Variants in EHF observed in about 807,000 individuals in gnomAD.
The protein encoded by EHF is ESE3 transcription factor.
Under a neutral mutation model 45.1 loss-of-function variants are expected in EHF, and 14 were observed. The ratio of observed to expected loss-of-function variants is 0.31; its 90% CI spans 0.21 to 0.49. EHF has a LOEUF of 0.49. Among genes scored for constraint, EHF ranks in the 20% least tolerant of loss-of-function variants. The pLI, the probability that EHF is intolerant of heterozygous loss-of-function variation, is 0.99. For missense variants in EHF, 282 were observed against 371.4 expected (o/e 0.76, Z 1.98); for synonymous variants, 136 against 131.8 (o/e 1.03, Z -0.22).
At chr11:34,645,442 G>A (rs949631218) in intron 2 of EHF, among the ~76,000 whole-genome samples, 1 of 152,112 alleles carries the variant, frequency 6.6e-6, no homozygotes, top group Non-Finnish European at 1.5e-5. Context: ...CATCTACTAT[G>A]ACAAAGTCTC....
At chr11:34,636,995 C>T (rs916296117) in intron 1 of EHF, among the ~76,000 whole-genome samples, 4 of 145,362 alleles carry the variant, frequency 2.8e-5, no homozygotes, top group Non-Finnish European at 6.0e-5. Flanking sequence ...CGCCATTGCA[C>T]TCCATTCTGG....
chr11:34,642,929 C>T lies in EHF; in HGVS notation c.97+202C>T, dbSNP rs192520441. 8.4e-4 allele frequency among the ~76,000 whole-genome samples: 128 copies of T among 152,304 alleles called. 1 individual carries two copies. The highest frequency in any genetic ancestry group is 3.7e-4 in the Non-Finnish European group (25 of 68,026). On this transcript the variant is annotated intron_variant, in intron 2 of 8. Transcript: ENST00000257831. The stretch of plus-strand genomic sequence containing the variant: ...AAGCTCGTTTGAGATATTCTATTGC[C>T]TCCTCCCAAAATTCAAGGTTCCAGA...
chr11:34,652,530 C>T (rs762073886), intron 6 of EHF, among the ~76,000 whole-genome samples: 9 of 152,120 alleles, frequency 5.9e-5, no homozygotes, highest in Non-Finnish European at 1.0e-4. Context: ...TTGGCGTGTA[C>T]AGTGTGGGAA....
In EHF at chr11:34,658,876, G is replaced by A; in HGVS notation, c.848G>A (p.Arg283Lys). The change falls in exon 9 of 9, where the codon AGA becomes AAA. Residue 283 changes from arginine (R) to lysine (K), a missense_variant. This residue lies in a region of EHF where 28 missense variants were observed against 37.1 expected (regional missense o/e 0.76). Transcript: ENST00000257831. The part of the protein sequence containing the change: ...REILERVDGR[R>K]LVYKFGKNAR... ...ATTCTGGAGCGTGTGGATGGACGAA[G>A]ACTGGTATATAAATTTGGGAAGAAT... The A allele has an allele frequency of 6.2e-7, 1 of 1,613,506 alleles. No individual in the cohort carries two copies. Among genetic ancestry groups the A allele is most frequent in the Admixed American group, 1.7e-5 (1 of 59,940 alleles).
intron 4 of EHF, 84 bp downstream of exon 4, chr11:34,649,165 G>C: frequency 2.1e-6 from 3 of 1,448,518 alleles, no homozygotes; most frequent in East Asian, 2.3e-5. Context: ...AGAGAATGTG[G>C]GGGCAAGTTT....
chr11:34,637,790 T>C (rs1462158472), intron 1 of EHF, among the ~76,000 whole-genome samples: 1 of 152,078 alleles, frequency 6.6e-6, no homozygotes, highest in Non-Finnish European at 1.5e-5. Flanking sequence ...GGACAATCAG[T>C]AGTGTCTCAA....
At chr11:34,622,200 G>A (rs530412505) in intron 1 of EHF, 230 of 223,444 alleles carry the variant, frequency 1.0e-3, no homozygotes, top group Non-Finnish European at 1.8e-3. Context: ...GTGAGAAAGC[G>A]ACATTTTCAC....
intron 2 of EHF, among the ~76,000 whole-genome samples, chr11:34,645,497 T>C (rs1360998260): frequency 6.6e-6 from 1 of 152,208 alleles, no homozygotes; most frequent in Non-Finnish European, 1.5e-5. Context: ...AAACAGTCTG[T>C]GACCTCAAGC....
At chr11:34,658,512 T>C in intron 7 of EHF, 21 bp from the exon 8 acceptor site, 2 of 1,603,354 alleles carry the variant, frequency 1.2e-6, no homozygotes, top group Non-Finnish European at 8.5e-7. Context: ...ATTAGTAACC[T>C]GCCTTTCTGC....
At chr11:34,646,167 C>T (rs1365242780) in intron 2 of EHF, among the ~76,000 whole-genome samples, 1 of 151,624 alleles carries the variant, frequency 6.6e-6, no homozygotes, top group Non-Finnish European at 1.5e-5. Flanking sequence ...GAAATGATAG[C>T]AATGCTCTAG....
chr11:34,636,911 C>T (rs1269916951), intron 1 of EHF, among the ~76,000 whole-genome samples: 3 of 151,960 alleles, frequency 2.0e-5, no homozygotes, highest in Admixed American at 6.6e-5. Flanking sequence ...TGCCTATAAT[C>T]CCAGCTACTT....
At chr11:34,638,094 G>A (rs960162794) in intron 1 of EHF, among the ~76,000 whole-genome samples, 1 of 152,018 alleles carries the variant, frequency 6.6e-6, no homozygotes, top group African/African-American at 2.4e-5. Flanking sequence ...TAGAGACAGG[G>A]TTTCACCATG....
At chr11:34,622,459 T>C (rs971368965) in intron 1 of EHF, 8 of 1,237,602 alleles carry the variant, frequency 6.5e-6, no homozygotes, top group Non-Finnish European at 5.3e-6. Flanking sequence ...AAAGGGCAAT[T>C]AGAGATTCTG....
chr11:34,656,053 T>TACACAC (rs61484102), intron 6 of EHF, among the ~76,000 whole-genome samples: 1 of 149,448 alleles, frequency 6.7e-6, no homozygotes, highest in Admixed American at 6.7e-5. Context: ...GTCCTCCCAA[T>TACACAC]ACACACACAC....
intron 1 of EHF, among the ~76,000 whole-genome samples, chr11:34,627,542 GA>G (rs951394023): frequency 6.6e-6 from 1 of 151,792 alleles, no homozygotes; most frequent in Non-Finnish European, 1.5e-5. Flanking sequence ...GAGGCTTTGG[GA>G]AAAAAAATTC....
In EHF at chr11:34,659,589, G is replaced by T. The variant is rs1192494628; in HGVS notation, c.*658G>T. 6.6e-6 allele frequency: 1 copy of T among 152,174 alleles called. No homozygotes were observed. The highest frequency in any genetic ancestry group is 1.5e-5 in the Non-Finnish European group (1 of 68,050). The allele number at this position is 152,174 out of a possible 1,614,324, so 9.4% of individuals were successfully genotyped here. The stretch of plus-strand genomic sequence containing the variant: ...GGGTCTTTATACTCATTCAGGAATG[G>T]TTTATCTGATGCCAGGGCTGTCTTC... On this transcript the variant is annotated 3_prime_UTR_variant, in exon 9 of 9. Transcript: ENST00000257831.
chr11:34,639,521 A>G (rs1174337277), intron 1 of EHF, among the ~76,000 whole-genome samples: 1 of 152,218 alleles, frequency 6.6e-6, no homozygotes, highest in Admixed American at 6.5e-5. Flanking sequence ...TACGCCTGAA[A>G]AACTATGCCT....
intron 1 of EHF, 76 bp from the exon 2 acceptor site, chr11:34,642,552 T>G (rs1854112734): frequency 1.1e-6 from 1 of 889,412 alleles, no homozygotes; most frequent in African/African-American, 1.6e-5. Context: ...TTCCTAAATT[T>G]ACTCTGTGAT....
At position 34,647,652 on chromosome 11, in the gene EHF, C is replaced by T. The variant is rs572040470; in HGVS notation, c.343+968C>T. ...TTTGGGCAAGTAACCGGGACTTGGG[C>T]GGCATGAGCTCCAGGGCTGTGAACC... On this transcript the variant is annotated intron_variant, in intron 3 of 8. Coordinates refer to ENST00000257831, the MANE Select transcript of EHF (RefSeq NM_012153.6). Among the ~76,000 whole-genome samples, 10 of 152,300 alleles carry T rather than the reference C, an allele frequency of 6.6e-5. No homozygotes were observed. The East Asian group carries it at 1.2e-3, about 18-fold the overall frequency.
Sources: gnomAD v4.1 joint callset for allele counts (sites outside exome capture counted in the v4.1 genomes callset) on GRCh38, gnomAD v4.1.1 for gene constraint, gnomAD v4.1.1 regional missense constraint, MANE v1.5 for transcripts, NCBI Gene and HGNC (gene_info 2026-07-23, HGNC 2026-07-21) for gene names.